The following ZNF516 variants were observed in gnomAD, a reference collection of about 807,000 sequenced individuals.
The protein encoded by ZNF516 is zinc finger protein 516.
Under a neutral mutation model 79.7 loss-of-function variants are expected in ZNF516, and 19 were observed. That is an observed-to-expected ratio of 0.24 (90% CI 0.17 to 0.35). The LOEUF (loss-of-function observed/expected upper bound fraction) is 0.35. Among genes scored for constraint, ZNF516 ranks in the 10% least tolerant of loss-of-function variants. The pLI, the probability that ZNF516 is intolerant of heterozygous loss-of-function variation, is 1.00. For missense variants in ZNF516, 1,678 were observed against 1,679.5 expected, an observed-to-expected ratio of 1.00 and a Z score of 0.02; for synonymous variants, 877 against 739.5, an observed-to-expected ratio of 1.19 and a Z score of -3.02.
chr18:76,428,303 G>C (rs1010250701), intron 3 of ZNF516, among the ~76,000 whole-genome samples: 1 of 150,772 alleles, frequency 6.6e-6, no homozygotes, highest in African/African-American at 2.4e-5. Flanking sequence ...TGAGGCAGGA[G>C]AATCGCTTGA....
chr18:76,473,570 G>A (rs960205673), intron 1 of ZNF516, among the ~76,000 whole-genome samples: 4 of 152,122 alleles, frequency 2.6e-5, no homozygotes, highest in Non-Finnish European at 1.5e-5. Flanking sequence ...GGGAGGCCAA[G>A]GTGGGCGGAT....
Position 76,458,036 on chromosome 18 carries a change from C to A in ZNF516, c.-158+4992G>T, listed in dbSNP as rs184664804. Among the ~76,000 whole-genome samples, 63 of 152,328 alleles carry A rather than the reference C, an allele frequency of 4.1e-4. 1 individual carries two copies. Among genetic ancestry groups the A allele is most frequent in the Middle Eastern group, 3.4e-3 (1 of 294 alleles). ...ACCTCGGCTGGATACGTTTGCCTCA[C>A]ACATCAGGCGCACCATGGTTTTAAA... On this transcript the variant is annotated intron_variant, in intron 2 of 6. Transcript: ENST00000443185.
chr18:76,375,207 T>C (rs925541624), intron 4 of ZNF516, among the ~76,000 whole-genome samples: 4 of 152,182 alleles, frequency 2.6e-5, no homozygotes, highest in Non-Finnish European at 5.9e-5. Context: ...TACAACACTT[T>C]AAGGGCGTCA....
At position 76,441,772 on chromosome 18, in the gene ZNF516, G is replaced by A. The variant is rs1289188935; in HGVS notation, c.1283C>T (p.Ala428Val). The A allele has an allele frequency of 1.3e-6, 2 of 1,563,764 alleles. No homozygotes were observed. The highest frequency in any genetic ancestry group is 1.7e-6 in the Non-Finnish European group (2 of 1,161,334). ...GTACTTGAGGTACTCGGCCGGCTCG[G>A]CCACCTTACCCCGCGTGGCCAGCTG... ...AWQLATRGKV[A>V]EPAEYLKYGA... The change falls in exon 3 of 7, where the codon GCC (alanine) becomes GTC (valine). Residue 428 changes from alanine to valine, a missense_variant. This residue lies in a region of ZNF516 where 1,294 missense variants were observed against 1,248.3 expected (regional missense o/e 1.04). Transcript: ENST00000443185.
At chr18:76,473,916 G>GA (rs1568322784) in intron 1 of ZNF516, among the ~76,000 whole-genome samples, 4 of 128,274 alleles carry the variant, frequency 3.1e-5, no homozygotes, top group African/African-American at 1.1e-4. Flanking sequence ...GGGGGGGGGG[G>GA]GCTTTCTTTT....
At chr18:76,404,555 T>A (rs564269708) in intron 3 of ZNF516, among the ~76,000 whole-genome samples, 1 of 151,722 alleles carries the variant, frequency 6.6e-6, no homozygotes, top group South Asian at 2.1e-4. Flanking sequence ...AACGTGTGCA[T>A]GTGTTTGTAT....
intron 1 of ZNF516, chr18:76,492,378 C>G: frequency 1.0e-6 from 1 of 984,442 alleles, no homozygotes; most frequent in Non-Finnish European, 1.2e-6. Context: ...GCGCTGTGCC[C>G]GTGAATACGC....
chr18:76,395,595 C>T (rs1235529385), intron 3 of ZNF516, among the ~76,000 whole-genome samples: 1 of 152,134 alleles, frequency 6.6e-6, no homozygotes. Flanking sequence ...GCACAGAGCA[C>T]AGCTCTTAAC....
intron 3 of ZNF516, among the ~76,000 whole-genome samples, chr18:76,428,291 G>A (rs1053887527): frequency 8.6e-5 from 13 of 151,730 alleles, no homozygotes; most frequent in African/African-American, 3.2e-4. Flanking sequence ...TAATTGGGAG[G>A]CTGAGGCAGG....
chr18:76,485,973 C>T (rs1914810704), intron 1 of ZNF516, among the ~76,000 whole-genome samples: 1 of 151,168 alleles, frequency 6.6e-6, no homozygotes, highest in Admixed American at 6.6e-5. Flanking sequence ...CCAGAATAAT[C>T]AGGAACTAAA....
intron 2 of ZNF516, among the ~76,000 whole-genome samples, chr18:76,447,224 G>A (rs1912106336): frequency 6.6e-6 from 1 of 152,158 alleles, no homozygotes; most frequent in Admixed American, 6.5e-5. Context: ...TTCAAAACAC[G>A]CCATGGGCGG....
chr18:76,391,464 C>T (rs945562284), intron 3 of ZNF516, among the ~76,000 whole-genome samples: 1 of 152,108 alleles, frequency 6.6e-6, no homozygotes, highest in Non-Finnish European at 1.5e-5. Context: ...CTAACCCTAA[C>T]CCCTTACCCA....
Position 76,493,018 on chromosome 18 carries a change from T to A in ZNF516, c.-272+2126A>T. Reference sequence around the variant, plus strand: ...CACACACCCCAAATTACCTCCGGGATGGAGAAAGCCGCTGCGGATTGGCCA... The same window carrying A: ...CACACACCCCAAATTACCTCCGGGAAGGAGAAAGCCGCTGCGGATTGGCCA... On this transcript the variant is annotated intron_variant, in intron 1 of 6. Coordinates refer to ENST00000443185, the MANE Select transcript of ZNF516 (RefSeq NM_014643.4). This position sits in a 1 kb window ranked among gnomAD's most constrained non-coding sequence, Gnocchi z 5.2. The A allele has an allele frequency of 4.1e-6, 4 of 985,174 alleles. No homozygotes were observed. Among genetic ancestry groups the A allele is most frequent in the Non-Finnish European group, 3.6e-6 (3 of 829,962 alleles). 61.0% of individuals were successfully genotyped at this position (985,174 alleles called of 1,614,324 possible). A position where few individuals can be genotyped will look rare whatever the true frequency, so the allele number is the denominator to read the frequency against.
intron 3 of ZNF516, among the ~76,000 whole-genome samples, chr18:76,426,737 T>C (rs2075598043): frequency 1.3e-5 from 2 of 152,228 alleles, no homozygotes; most frequent in Non-Finnish European, 2.9e-5. Flanking sequence ...ATTTCTCATC[T>C]ATGTGCAGCA....
rs898959408 is a variant in ZNF516, at chr18:76,491,540, CGGGGGCG to C, written c.-272+3597_-272+3603del. The C allele has an allele frequency of 6.2e-4, 78 of 125,134 alleles. 1 individual carries two copies. The Middle Eastern group carries it at 0.015, about 24-fold the overall frequency. The allele number at this position is 125,134 out of a possible 1,614,324, so 7.8% of individuals were successfully genotyped here. On this transcript the variant is annotated intron_variant, in intron 1 of 6. Coordinates refer to ENST00000443185, the MANE Select transcript of ZNF516 (RefSeq NM_014643.4). ...GGCGTGTGACGTCCGCTCCACATGA[CGGGGGCG>C]GGGGGCGGGGGGCGGGCGCCGGGGG...
At chr18:76,401,069 G>A (rs191925682) in intron 3 of ZNF516, among the ~76,000 whole-genome samples, 27 of 151,950 alleles carry the variant, frequency 1.8e-4, no homozygotes, top group African/African-American at 6.3e-4. Context: ...TTCCTTTCCT[G>A]TACATCTTAA....
At chr18:76,496,357 G>C, upstream of ZNF516, 1 of 1,289,726 alleles carries the variant, frequency 7.8e-7, no homozygotes, top group Non-Finnish European at 1.0e-6. Context: ...GCCCAACGTG[G>C]CTCCGCGTAG....
intron 1 of ZNF516, among the ~76,000 whole-genome samples, chr18:76,465,136 G>A (rs543208003): frequency 2.2e-4 from 34 of 152,340 alleles, no homozygotes; most frequent in African/African-American, 7.9e-4. Context: ...ACTATCTGCT[G>A]GACATCGTGT....
intron 3 of ZNF516, among the ~76,000 whole-genome samples, chr18:76,433,576 T>G (rs1021147384): frequency 6.6e-6 from 1 of 152,072 alleles, no homozygotes; most frequent in Non-Finnish European, 1.5e-5. Flanking sequence ...CATGGGAGCC[T>G]TGAGTCTGGG....
Sources: allele counts gnomAD v4.1 joint callset (sites outside exome capture counted in the v4.1 genomes callset), GRCh38; gene constraint gnomAD v4.1.1; regional missense constraint gnomAD v4.1.1; non-coding constraint Gnocchi (gnomAD v3.1); transcripts MANE v1.5; gene names NCBI Gene and HGNC (gene_info 2026-07-23, HGNC 2026-07-21).